The following KIF1B variants were observed in gnomAD, a reference collection of about 807,000 sequenced individuals.
KIF1B encodes kinesin-like protein KIF1B.
KIF1B carries 76 observed loss-of-function variants against 241.9 expected under a neutral mutation model. That is an observed-to-expected ratio of 0.31 (90% CI 0.26 to 0.38). KIF1B has a LOEUF of 0.38. KIF1B is among the 10% of genes least tolerant of loss of function. The pLI is 1.00. For missense variants in KIF1B, 1,622 were observed against 2,271.4 expected, an observed-to-expected ratio of 0.71 and a Z score of 5.81; for synonymous variants, 750 against 796.7, an observed-to-expected ratio of 0.94 and a Z score of 0.99.
intron 2 of KIF1B, among the ~76,000 whole-genome samples, chr1:10,237,429 A>T (rs149212134): frequency 7.4e-4 from 112 of 152,338 alleles, no homozygotes; most frequent in African/African-American, 2.6e-3. Context: ...AATATGAGGT[A>T]CACTCCATCA....
At chr1:10,253,427 G>A (rs1647582398) in intron 2 of KIF1B, among the ~76,000 whole-genome samples, 1 of 152,106 alleles carries the variant, frequency 6.6e-6, no homozygotes, top group Non-Finnish European at 1.5e-5. Flanking sequence ...GATGGCTTGA[G>A]CCCAGGAGTT....
Position 10,374,572 on chromosome 1 carries a change from C to T in KIF1B, c.5096+107C>T. The T allele has an allele frequency of 7.6e-7, 1 of 1,322,638 alleles. No homozygotes were observed. Among genetic ancestry groups the T allele is most frequent in the Non-Finnish European group, 1.1e-6 (1 of 923,498 alleles). The allele number at this position is 1,322,638 out of a possible 1,614,324, so 81.9% of individuals were successfully genotyped here. A position where few individuals can be genotyped will look rare whatever the true frequency, so the allele number is the denominator to read the frequency against. On this transcript the variant is annotated intron_variant, in intron 46 of 48. Transcript: ENST00000676179. The surrounding 1 kb of genome is among the most constrained non-coding windows in gnomAD (Gnocchi z 4.3). ...GGTCTGTACTGTAGTCTGATGCAATCTGTACTGTAGTCTGATGCAAGTTGA... is the reference window on the plus strand; with the variant it reads ...GGTCTGTACTGTAGTCTGATGCAATTTGTACTGTAGTCTGATGCAAGTTGA...
At chr1:10,344,050 C>T (rs1652498860) in intron 34 of KIF1B, among the ~76,000 whole-genome samples, 1 of 152,194 alleles carries the variant, frequency 6.6e-6, no homozygotes, top group South Asian at 2.1e-4. Flanking sequence ...CCTGTGCTCA[C>T]TCTCCACCCT....
chr1:10,226,224 T>C (rs989478419), intron 1 of KIF1B, among the ~76,000 whole-genome samples: 2 of 152,118 alleles, frequency 1.3e-5, no homozygotes, highest in African/African-American at 4.8e-5. Context: ...GGTGAGAACA[T>C]TAAAAAGAAA....
chr1:10,342,719 AT>A (rs959989477), intron 33 of KIF1B, among the ~76,000 whole-genome samples: 1 of 152,250 alleles, frequency 6.6e-6, no homozygotes, highest in Non-Finnish European at 1.5e-5. Context: ...CTTAAAGGGA[AT>A]TAAAACATGC....
chr1:10,270,216 T>C (rs1024466401), intron 7 of KIF1B, among the ~76,000 whole-genome samples: 1 of 152,188 alleles, frequency 6.6e-6, no homozygotes, highest in African/African-American at 2.4e-5. Context: ...TTGCCTCATA[T>C]CTCTTTGTAG....
intron 5 of KIF1B, among the ~76,000 whole-genome samples, chr1:10,266,880 A>G (rs1648491894): frequency 6.6e-6 from 1 of 152,210 alleles, no homozygotes; most frequent in Non-Finnish European, 1.5e-5. Context: ...GCGTATTGTT[A>G]ATAGAATAAA....
intron 5 of KIF1B, among the ~76,000 whole-genome samples, chr1:10,267,023 C>CT (rs200478736): frequency 0.038 from 5,689 of 148,436 alleles, 351 homozygotes; most frequent in African/African-American, 0.13. Context: ...TTCTTTCTTT[C>CT]TTTTTTTTTA....
rs1638531827 is a variant in KIF1B, at chr1:10,365,138, G to A, written c.4405G>A (p.Val1469Met). 3 of 1,613,998 alleles carry A rather than the reference G, an allele frequency of 1.9e-6. No individual in the cohort carries two copies. The highest frequency in any genetic ancestry group is 2.5e-6 in the Non-Finnish European group (3 of 1,179,994). Residue 1469 changes from valine (V) to methionine (M), a missense_variant, in exon 42 of 49, where the codon GTG becomes ATG. By Grantham distance (21) the Val-to-Met change is conservative. Coordinates refer to ENST00000676179, the MANE Select transcript of KIF1B (RefSeq NM_001365951.3). This position sits in a 1 kb window ranked among gnomAD's most constrained non-coding sequence, Gnocchi z 4.0. ...GAGAAGAAAAATCTTAGATACGTCA[G>A]TGGCATATGTGCGGGGAGAAGAGAA... ...RRRRKILDTSVAYVRGEENLA... is the reference protein window; with the variant it reads ...RRRRKILDTSMAYVRGEENLA...
At chr1:10,278,174 A>G in intron 13 of KIF1B, 46 bp downstream of exon 13, 1 of 1,588,764 alleles carries the variant, frequency 6.3e-7, no homozygotes, top group Non-Finnish European at 8.6e-7. Flanking sequence ...TTTCTTCTTC[A>G]GGGTTCTTAT....
chr1:10,233,533 G>T (rs1203761403), intron 2 of KIF1B, among the ~76,000 whole-genome samples: 1 of 151,940 alleles, frequency 6.6e-6, no homozygotes, highest in Non-Finnish European at 1.5e-5. Context: ...AAATTTAAAA[G>T]TAGAAGGCTA....
intron 3 of KIF1B, among the ~76,000 whole-genome samples, chr1:10,257,889 C>A (rs897448808): frequency 2.0e-5 from 3 of 152,128 alleles, no homozygotes; most frequent in Non-Finnish European, 4.4e-5. Flanking sequence ...GTTGGCCAGG[C>A]TGGTCTCGAA....
intron 35 of KIF1B, among the ~76,000 whole-genome samples, chr1:10,346,644 C>T (rs1394980045): frequency 6.6e-6 from 1 of 152,138 alleles, no homozygotes; most frequent in Non-Finnish European, 1.5e-5. Context: ...GGATTATAGG[C>T]GTGAGCCACT....
chr1:10,368,398 T>G, intron 43 of KIF1B, 69 bp from the exon 44 acceptor site: 1 of 1,350,886 alleles, frequency 7.4e-7, no homozygotes, highest in Non-Finnish European at 1.1e-6. Flanking sequence ...CTCCACGTGG[T>G]CAGCTATCCC....
Position 10,378,374 on chromosome 1 carries a change from A to G in KIF1B, c.*1787A>G, listed in dbSNP as rs1289207759. Reference sequence around the variant, plus strand: ...CTGGCTTCCGAGATCATCAGAGAAGATAAGTCTGTCTCTTTCAGCTGCCAG... The same window carrying G: ...CTGGCTTCCGAGATCATCAGAGAAGGTAAGTCTGTCTCTTTCAGCTGCCAG... On this transcript the variant is annotated 3_prime_UTR_variant, in exon 49 of 49. Transcript: ENST00000676179. 2.8e-6 allele frequency: 2 copies of G among 717,868 alleles called. No homozygotes were observed. Among genetic ancestry groups the G allele is most frequent in the South Asian group, 1.5e-5 (1 of 67,600 alleles). The allele number at this position is 717,868 out of a possible 1,614,324, so 44.5% of individuals were successfully genotyped here.
intron 5 of KIF1B, 103 bp from the exon 6 acceptor site, chr1:10,267,277 C>T: frequency 1.1e-6 from 1 of 931,340 alleles, no homozygotes; most frequent in African/African-American, 1.6e-5. Context: ...ATCCGCCCTC[C>T]TTGGCCTCCC....
chr1:10,238,747 A>G (rs1308893198), intron 2 of KIF1B, among the ~76,000 whole-genome samples: 1 of 152,032 alleles, frequency 6.6e-6, no homozygotes, highest in Non-Finnish European at 1.5e-5. Flanking sequence ...AAAAAACACC[A>G]AAAGAAAGTA....
At chr1:10,328,403 G>T (rs1651801056) in intron 27 of KIF1B, among the ~76,000 whole-genome samples, 1 of 152,170 alleles carries the variant, frequency 6.6e-6, no homozygotes, top group Non-Finnish European at 1.5e-5. Context: ...TTAGAATTCA[G>T]TTTTTCCATG....
chr1:10,305,348 A>C, intron 22 of KIF1B: 2 of 1,050,280 alleles, frequency 1.9e-6, no homozygotes. Flanking sequence ...GAATCTATAA[A>C]TTGGCACTGT....
Sources: gnomAD v4.1 joint callset for allele counts (sites outside exome capture counted in the v4.1 genomes callset) on GRCh38, gnomAD v4.1.1 for gene constraint, Gnocchi (gnomAD v3.1) non-coding constraint, MANE v1.5 for transcripts, NCBI Gene and HGNC (gene_info 2026-07-23, HGNC 2026-07-21) for gene names.